Variants in SPAG6 observed in about 807,000 individuals in gnomAD.
The protein encoded by SPAG6 is sperm-associated antigen 6.
A neutral mutation model predicts 58.5 loss-of-function variants in SPAG6; 49 were observed. The ratio of observed to expected loss-of-function variants is 0.84; its 90% CI spans 0.67 to 1.06. The LOEUF is 1.06. Ranked by LOEUF, SPAG6 falls within the 50% of genes least tolerant of loss-of-function variation. The pLI is 0.00. For synonymous variants in SPAG6, 233 were observed against 225.6 expected, an observed-to-expected ratio of 1.03 and a Z score of -0.29; for missense variants, 560 against 611.3, an observed-to-expected ratio of 0.92 and a Z score of 0.89.
At chr10:22,384,882 T>C (rs74688700) in intron 4 of SPAG6, among the ~76,000 whole-genome samples, 139 of 152,348 alleles carry the variant, frequency 9.1e-4, no homozygotes, top group Admixed American at 2.2e-3. Flanking sequence ...ATGGGAATTA[T>C]AAAGATAGAT....
At position 22,416,950 on chromosome 10, in the gene SPAG6, T is replaced by C; in HGVS notation, c.*262T>C. On this transcript the variant is annotated 3_prime_UTR_variant, in exon 11 of 11. Transcript: ENST00000376624. ...GTTAAAGGGCCTTAAGGCATTTTGT[T>C]ATTCTGTTAAAAACCACACACACTC... The C allele has an allele frequency of 3.4e-6, 1 of 295,710 alleles. No individual in the cohort carries two copies. Among genetic ancestry groups the C allele is most frequent in the Non-Finnish European group, 6.4e-6 (1 of 155,114 alleles). The allele number at this position is 295,710 out of a possible 1,614,324, so 18.3% of individuals were successfully genotyped here. A position where few individuals can be genotyped will look rare whatever the true frequency, so the allele number is the denominator to read the frequency against.
intron 4 of SPAG6, among the ~76,000 whole-genome samples, chr10:22,386,235 A>C (rs897465880): frequency 6.6e-6 from 1 of 152,220 alleles, no homozygotes; most frequent in East Asian, 1.9e-4. Context: ...TCTATTTTGT[A>C]TGAAATTTTT....
At chr10:22,380,496 G>A (rs1404767130) in intron 4 of SPAG6, among the ~76,000 whole-genome samples, 2 of 151,870 alleles carry the variant, frequency 1.3e-5, no homozygotes, top group Non-Finnish European at 2.9e-5. Context: ...TTGTAGAGAC[G>A]GGGTTTTGCC....
intron 4 of SPAG6, among the ~76,000 whole-genome samples, 189 bp from the exon 5 acceptor site, chr10:22,386,565 C>G (rs185456312): frequency 4.6e-5 from 7 of 152,082 alleles, no homozygotes; most frequent in Non-Finnish European, 1.0e-4. Flanking sequence ...ATCTATTGAC[C>G]TGTATTCTTT....
intron 2 of SPAG6, among the ~76,000 whole-genome samples, chr10:22,354,934 C>T (rs1836826372): frequency 6.6e-6 from 1 of 151,234 alleles, no homozygotes; most frequent in Non-Finnish European, 1.5e-5. Context: ...GCGGAGGTTG[C>T]TGTGAGTTGA....
chr10:22,351,605 G>GT (rs768991520), intron 2 of SPAG6, among the ~76,000 whole-genome samples: 96 of 152,164 alleles, frequency 6.3e-4, no homozygotes, highest in Non-Finnish European at 1.2e-3. Flanking sequence ...AACATTTCTT[G>GT]CTTTTTAATC....
chr10:22,345,771 C>A lies in SPAG6; in HGVS notation c.74C>A (p.Ala25Glu). 6.2e-7 allele frequency: 1 copy of A among 1,613,660 alleles called. No individual in the cohort carries two copies. The highest frequency in any genetic ancestry group is 8.5e-7 in the Non-Finnish European group (1 of 1,179,826). Residue 25 changes from alanine (A) to glutamate (E), a missense_variant, in exon 2 of 11, where the codon GCG (alanine) becomes GAG (glutamate). By Grantham distance (107) the Ala-to-Glu change is moderately radical. Coordinates refer to ENST00000376624, the MANE Select transcript of SPAG6 (RefSeq NM_012443.4). This position sits in a 1 kb window ranked among gnomAD's most constrained non-coding sequence, Gnocchi z 6.3. ...AGGACCCAGTTCGTGCAGATGGTGG[C>A]GGAGCTGGCGACTAGACCCCAAAAC... The part of the protein sequence containing the change: ...KARTQFVQMV[A>E]ELATRPQNIE...
chr10:22,410,731 T>C (rs1834710963), intron 9 of SPAG6, among the ~76,000 whole-genome samples: 1 of 152,224 alleles, frequency 6.6e-6, no homozygotes, highest in African/African-American at 2.4e-5. Flanking sequence ...AGCTTGCCTT[T>C]AAATTCTTAG....
intron 2 of SPAG6, among the ~76,000 whole-genome samples, chr10:22,355,221 C>T (rs117623153): frequency 5.9e-5 from 9 of 152,082 alleles, no homozygotes; most frequent in Non-Finnish European, 1.2e-4. Flanking sequence ...AGAGCATAGA[C>T]GCGAGCCATG....
intron 8 of SPAG6, among the ~76,000 whole-genome samples, chr10:22,393,248 T>G (rs971770593): frequency 2.9e-4 from 44 of 152,258 alleles, no homozygotes; most frequent in African/African-American, 9.9e-4. Flanking sequence ...CCTCCTCCTT[T>G]CCTTCTCCTC....
chr10:22,407,958 G>A (rs1274304789), intron 9 of SPAG6, among the ~76,000 whole-genome samples: 4 of 146,032 alleles, frequency 2.7e-5, no homozygotes, highest in Admixed American at 1.3e-4. Flanking sequence ...CATTCTTCAC[G>A]TAGTTCTCGA....
At chr10:22,350,106 C>CTT (rs754220965) in intron 2 of SPAG6, among the ~76,000 whole-genome samples, 1 of 142,822 alleles carries the variant, frequency 7.0e-6, no homozygotes, top group Non-Finnish European at 1.5e-5. Context: ...TTAAATTTGA[C>CTT]TTTTTTTTTT....
chr10:22,362,974 A>T (rs1043110815), intron 2 of SPAG6, among the ~76,000 whole-genome samples: 1 of 152,134 alleles, frequency 6.6e-6, no homozygotes. Context: ...TTATTTTTTT[A>T]AATTGGAAAA....
intron 8 of SPAG6, 111 bp downstream of exon 8, chr10:22,392,031 A>C (rs935552306): frequency 3.6e-5 from 25 of 704,128 alleles, no homozygotes; most frequent in Non-Finnish European, 4.4e-5. Context: ...CAAGAAATAC[A>C]AATTTATCAG....
intron 2 of SPAG6, 97 bp from the exon 3 acceptor site, chr10:22,364,756 T>C (rs2132048753): frequency 1.2e-6 from 1 of 830,078 alleles, no homozygotes; most frequent in African/African-American, 1.7e-5. Flanking sequence ...TTACTGATTT[T>C]TTCCCTTTAA....
chr10:22,391,598 C>A, intron 7 of SPAG6, 131 bp from the exon 8 acceptor site: 1 of 692,896 alleles, frequency 1.4e-6, no homozygotes, highest in Non-Finnish European at 2.4e-6. Context: ...CTGTGATGTG[C>A]TCATTTATTG....
Position 22,391,908 on chromosome 10 carries a change from T to A in SPAG6, c.1185T>A (p.Asp395Glu), listed in dbSNP as rs1564374738. ...ACATGTCAACAGAAAGTTCTGAGGA[T>A]CTCCAAGTAAAAGTAAGTGCTTAAT... ...SLYMSTESSEDLQVKSKKAIK... is the reference protein window; with the variant it reads ...SLYMSTESSEELQVKSKKAIK... Residue 395 changes from aspartate to glutamate, a missense_variant, in exon 8 of 11, where the codon GAT (aspartate) becomes GAA (glutamate). By Grantham distance (45) the Asp-to-Glu change is conservative. Coordinates refer to ENST00000376624, the MANE Select transcript of SPAG6 (RefSeq NM_012443.4). The A allele has an allele frequency of 1.2e-6, 2 of 1,611,388 alleles. No individual in the cohort carries two copies. Among genetic ancestry groups the A allele is most frequent in the Non-Finnish European group, 8.5e-7 (1 of 1,178,732 alleles).
In SPAG6 at chr10:22,345,644, C is replaced by T; in HGVS notation, c.25+8C>T. ...AGAGGCAGGTGCTGCAAGGTAGGGC[C>T]GAGGCGGGCAGGTGCCCTAACTAGC... On this transcript the variant is annotated splice_region_variant and intron_variant, in intron 1 of 10. Coordinates refer to ENST00000376624, the MANE Select transcript of SPAG6 (RefSeq NM_012443.4). This position sits in a 1 kb window ranked among gnomAD's most constrained non-coding sequence, Gnocchi z 6.3. 6.5e-7 allele frequency: 1 copy of T among 1,549,408 alleles called. No homozygotes were observed. Among genetic ancestry groups the T allele is most frequent in the Non-Finnish European group, 8.7e-7 (1 of 1,148,070 alleles).
chr10:22,386,994 T>TTA, intron 5 of SPAG6, 35 bp downstream of exon 5: 11 of 1,511,914 alleles, frequency 7.3e-6, no homozygotes, highest in Non-Finnish European at 1.0e-5. Flanking sequence ...TACATCAGCC[T>TTA]TCTTATAATG....
Sources: gnomAD v4.1 joint callset for allele counts (sites outside exome capture counted in the v4.1 genomes callset) on GRCh38, gnomAD v4.1.1 for gene constraint, Gnocchi (gnomAD v3.1) non-coding constraint, MANE v1.5 for transcripts, NCBI Gene and HGNC (gene_info 2026-07-23, HGNC 2026-07-21) for gene names.